The following KIAA0930 variants were observed in gnomAD, a reference collection of about 807,000 sequenced individuals.
KIAA0930 encodes the protein uncharacterized protein KIAA0930.
Under a neutral mutation model 43.9 loss-of-function variants are expected in KIAA0930, and 24 were observed. The ratio of observed to expected loss-of-function variants is 0.55; its 90% confidence interval spans 0.40 to 0.77. The LOEUF (loss-of-function observed/expected upper bound fraction) is 0.77, where lower values mean the gene tolerates loss of function less well. KIAA0930 is among the 30% of genes least tolerant of loss of function. KIAA0930 has a pLI of 0.00. For missense variants in KIAA0930, 461 were observed against 574.2 expected, an observed-to-expected ratio of 0.80 and a Z score of 2.02; for synonymous variants, 259 against 216.4, an observed-to-expected ratio of 1.20 and a Z score of -1.73.
At chr22:45,237,000 G>A (rs569181009) in intron 1 of KIAA0930, among the ~76,000 whole-genome samples, 10 of 152,300 alleles carry the variant, frequency 6.6e-5, no homozygotes, top group African/African-American at 1.7e-4. Context: ...GGCCCAGGTC[G>A]CGTCCACGTT....
In KIAA0930 at chr22:45,196,473, G is replaced by A. The variant is rs76353358; in HGVS notation, c.*703C>T. 6,507 of 152,788 alleles carry A rather than the reference G, an allele frequency of 0.043. 258 individuals carry two copies. The highest frequency in any genetic ancestry group is 0.13 in the Admixed American group (1,925 of 15,294). 9.5% of individuals were successfully genotyped at this position (152,788 alleles called of 1,614,324 possible). On this transcript the variant is annotated 3_prime_UTR_variant, in exon 10 of 10. Transcript: ENST00000336156. The surrounding 1 kb of genome is among the most constrained non-coding windows in gnomAD (Gnocchi z 4.1). The stretch of plus-strand genomic sequence containing the variant: ...CAGGTTCCTCCGTGCGAGGCCCAGC[G>A]TGGGATGTCCCAGGTTGGAGGTGTG...
At chr22:45,209,273 C>T (rs1034337138) in intron 2 of KIAA0930, among the ~76,000 whole-genome samples, 2 of 152,094 alleles carry the variant, frequency 1.3e-5, no homozygotes, top group African/African-American at 2.4e-5. Context: ...AGTGCGCAGG[C>T]GACTCCGCGG....
At chr22:45,225,731 A>G (rs1218464376) in intron 1 of KIAA0930, among the ~76,000 whole-genome samples, 1 of 152,022 alleles carries the variant, frequency 6.6e-6, no homozygotes, top group Middle Eastern at 3.2e-3. Flanking sequence ...CCACCCCAGC[A>G]CCGGCCTTCC....
chr22:45,208,560 C>CAACTCCACACACATGAGCTGTGAGAA (rs1331757381), intron 2 of KIAA0930, among the ~76,000 whole-genome samples: 1 of 127,758 alleles, frequency 7.8e-6, no homozygotes, highest in Non-Finnish European at 1.8e-5. Context: ...CAGAACCCGC[C>CAACTCCACACACATGAGCTGTGAGAA]CGGGAAGTTT....
intron 2 of KIAA0930, among the ~76,000 whole-genome samples, chr22:45,210,356 C>G (rs567446637): frequency 4.9e-4 from 75 of 152,220 alleles, no homozygotes; most frequent in African/African-American, 1.6e-3. Flanking sequence ...GTCCCTCCCC[C>G]AGAACTGTGC....
At chr22:45,203,725 C>T (rs909340778) in intron 6 of KIAA0930, 120 bp downstream of exon 6, 3 of 1,127,134 alleles carry the variant, frequency 2.7e-6, no homozygotes, top group African/African-American at 3.1e-5. Context: ...CTGCAGGTAC[C>T]CCTGGCGGCC....
At chr22:45,219,141 C>A (rs543504108) in intron 1 of KIAA0930, among the ~76,000 whole-genome samples, 5 of 152,284 alleles carry the variant, frequency 3.3e-5, no homozygotes, top group African/African-American at 7.2e-5. Context: ...ACTTGATTCC[C>A]ATTTGTGATG....
chr22:45,208,613 G>T (rs959991986), intron 2 of KIAA0930, among the ~76,000 whole-genome samples: 7 of 152,212 alleles, frequency 4.6e-5, no homozygotes, highest in African/African-American at 9.6e-5. Flanking sequence ...GTTGAGCCCT[G>T]GGGTGGGGTG....
At position 45,205,307 on chromosome 22, in the gene KIAA0930, C is replaced by A. The variant is rs141932630; in HGVS notation, c.426G>T (p.Ala142=). The A allele has an allele frequency of 1.9e-5, 30 of 1,613,576 alleles. No homozygotes were observed. Among genetic ancestry groups the A allele is most frequent in the Non-Finnish European group, 2.5e-5 (29 of 1,179,720 alleles). The change falls in exon 5 of 10, where the codon GCG becomes GCT. Residue 142 remains alanine (A), a synonymous_variant. Coordinates refer to ENST00000336156, the MANE Select transcript of KIAA0930 (RefSeq NM_001009880.2). ...TGTCCATGGGGTGTTTACTGGGGGA[C>A]GCGAACACTTGCTGGAAGAAAGCAG... is the stretch of plus-strand genomic sequence containing the variant. ...IHKKKSQQVF[A]SPSKHPMDSK...
chr22:45,231,237 A>G (rs567329980), intron 1 of KIAA0930, among the ~76,000 whole-genome samples: 129 of 150,742 alleles, frequency 8.6e-4, no homozygotes, highest in African/African-American at 2.8e-3. Context: ...AAAAAAAAAA[A>G]AAAGAAAGAA....
chr22:45,199,467 G>A (rs1347461402), intron 8 of KIAA0930, among the ~76,000 whole-genome samples: 1 of 152,196 alleles, frequency 6.6e-6, no homozygotes, highest in Non-Finnish European at 1.5e-5. Flanking sequence ...CCCTGAGGGC[G>A]AGCTGGCCCA....
rs771967367 is a variant in KIAA0930, at chr22:45,226,289, C to T, written c.65-14182G>A. 92 of 471,006 alleles carry T rather than the reference C, an allele frequency of 2.0e-4. 1 individual carries two copies. Among genetic ancestry groups the T allele is most frequent in the Admixed American group, 1.5e-3 (64 of 42,560 alleles). The allele number at this position is 471,006 out of a possible 1,614,324, so 29.2% of individuals were successfully genotyped here. A position where few individuals can be genotyped will look rare whatever the true frequency, so the allele number is the denominator to read the frequency against. On this transcript the variant is annotated intron_variant, in intron 1 of 9. Coordinates refer to ENST00000336156, the MANE Select transcript of KIAA0930 (RefSeq NM_001009880.2). ...ACAGCCATTTTACAGTTAAGGAAAC[C>T]GAGACCTTCAAGTCCGGGCACCTGG...
intron 7 of KIAA0930, 56 bp from the exon 8 acceptor site, chr22:45,200,091 T>C: frequency 2.0e-6 from 3 of 1,498,196 alleles, no homozygotes; most frequent in South Asian, 2.6e-5. Flanking sequence ...TCCCCGGGGG[T>C]CCCAACGCCC....
chr22:45,201,776 A>C (rs146858428), intron 7 of KIAA0930, among the ~76,000 whole-genome samples: 74 of 152,362 alleles, frequency 4.9e-4, no homozygotes, highest in African/African-American at 1.7e-3. Context: ...CAGAAGAGAA[A>C]GAAAACCAAC....
chr22:45,207,418 GT>G (rs1406965750), intron 2 of KIAA0930, among the ~76,000 whole-genome samples: 3 of 151,032 alleles, frequency 2.0e-5, no homozygotes, highest in Non-Finnish European at 4.4e-5. Flanking sequence ...TACCTCCTGG[GT>G]TCACGTGATT....
intron 1 of KIAA0930, among the ~76,000 whole-genome samples, chr22:45,223,166 ATAAAC>A (rs2083777371): frequency 6.6e-6 from 1 of 152,258 alleles, no homozygotes; most frequent in South Asian, 2.1e-4. Flanking sequence ...TAGTAATTAA[ATAAAC>A]TAACTTATAA....
intron 2 of KIAA0930, chr22:45,211,542 G>A (rs1007521581): frequency 3.0e-5 from 13 of 440,380 alleles, no homozygotes; most frequent in Non-Finnish European, 5.2e-5. Context: ...GGCTCAGTAA[G>A]TGGAAGGCAC....
intron 1 of KIAA0930, among the ~76,000 whole-genome samples, chr22:45,234,397 C>T (rs1012777393): frequency 1.3e-5 from 2 of 152,212 alleles, no homozygotes; most frequent in African/African-American, 4.8e-5. Context: ...ACTGGCAAGG[C>T]ATGGGCCCAA....
At chr22:45,217,156 T>C (rs112717952) in intron 1 of KIAA0930, among the ~76,000 whole-genome samples, 5,739 of 149,944 alleles carry the variant, frequency 0.038, 369 homozygotes, top group African/African-American at 0.13. Flanking sequence ...AGGTCAGGAG[T>C]TCAAGACCAG....
Sources: gnomAD v4.1 joint callset for allele counts (sites outside exome capture counted in the v4.1 genomes callset) on GRCh38, gnomAD v4.1.1 for gene constraint, Gnocchi (gnomAD v3.1) non-coding constraint, MANE v1.5 for transcripts, NCBI Gene and HGNC (gene_info 2026-07-23, HGNC 2026-07-21) for gene names.